The following GPM6A variants were observed in gnomAD, a reference collection of about 807,000 sequenced individuals.
GPM6A encodes the protein neuronal membrane glycoprotein M6-a.
Under a neutral mutation model 32.1 loss-of-function variants are expected in GPM6A, and 7 were observed. The observed-to-expected ratio is 0.22, with a 90% CI of 0.12 to 0.41. The LOEUF is 0.41. Ranked by LOEUF, GPM6A falls within the 10% of genes least tolerant of loss-of-function variation. The pLI, the probability that GPM6A is intolerant of heterozygous loss-of-function variation, is 1.00. For synonymous variants in GPM6A, 130 were observed against 123.4 expected (o/e 1.05, Z -0.35); for missense variants, 235 against 347.2 (o/e 0.68, Z 2.57).
At chr4:175,921,156 G>A (rs1240373522) in intron 1 of GPM6A, among the ~76,000 whole-genome samples, 2 of 151,932 alleles carry the variant, frequency 1.3e-5, no homozygotes, top group Non-Finnish European at 2.9e-5. Flanking sequence ...TTTTAACACT[G>A]AAATCTTTAT....
chr4:175,971,248 T>C (rs2126422683), intron 1 of GPM6A, among the ~76,000 whole-genome samples: 1 of 150,322 alleles, frequency 6.7e-6, no homozygotes, highest in South Asian at 2.1e-4. Context: ...AACCTGTCAT[T>C]AGTGTTCTCT....
At chr4:175,767,669 G>A (rs901567423) in intron 1 of GPM6A, among the ~76,000 whole-genome samples, 2 of 152,176 alleles carry the variant, frequency 1.3e-5, no homozygotes, top group African/African-American at 4.8e-5. Context: ...CAGCCATTGG[G>A]CAGTAATGCA....
At chr4:175,793,494 G>T (rs190263467) in intron 1 of GPM6A, among the ~76,000 whole-genome samples, 4 of 151,846 alleles carry the variant, frequency 2.6e-5, no homozygotes, top group Non-Finnish European at 4.4e-5. Flanking sequence ...CTCCTGCCTC[G>T]GCCTCCTGAG....
chr4:175,920,658 G>A (rs778632473), intron 1 of GPM6A, among the ~76,000 whole-genome samples: 1 of 152,008 alleles, frequency 6.6e-6, no homozygotes, highest in African/African-American at 2.4e-5. Flanking sequence ...GACTAGCCTG[G>A]GCAACATGAT....
chr4:175,918,752 C>T (rs148058758), intron 1 of GPM6A, among the ~76,000 whole-genome samples: 102 of 152,156 alleles, frequency 6.7e-4, no homozygotes, highest in African/African-American at 2.1e-3. Context: ...GTCTGAAATG[C>T]AGAAATGTAT....
At chr4:175,807,151 T>A (rs868004548) in intron 1 of GPM6A, among the ~76,000 whole-genome samples, 2 of 152,220 alleles carry the variant, frequency 1.3e-5, no homozygotes, top group African/African-American at 4.8e-5. Flanking sequence ...TTAATTTCTT[T>A]GCAATAGTTC....
At chr4:175,877,221 T>C (rs561927292) in intron 1 of GPM6A, among the ~76,000 whole-genome samples, 4 of 152,094 alleles carry the variant, frequency 2.6e-5, no homozygotes, top group Admixed American at 2.6e-4. Context: ...AGGGATGAAG[T>C]TTTGTCCCTG....
At chr4:175,789,506 A>G (rs1299961950) in intron 1 of GPM6A, among the ~76,000 whole-genome samples, 1 of 152,150 alleles carries the variant, frequency 6.6e-6, no homozygotes, top group Non-Finnish European at 1.5e-5. Flanking sequence ...TTAAAAAATA[A>G]TACTTCCTAG....
chr4:175,782,751 A>G (rs181407509), intron 1 of GPM6A, among the ~76,000 whole-genome samples: 19 of 152,258 alleles, frequency 1.2e-4, no homozygotes, highest in African/African-American at 4.6e-4. Context: ...AGCTTAAGAA[A>G]TAGAACTTAT....
intron 1 of GPM6A, among the ~76,000 whole-genome samples, chr4:175,977,299 C>G (rs1433351057): frequency 6.6e-6 from 1 of 152,144 alleles, no homozygotes; most frequent in Non-Finnish European, 1.5e-5. Context: ...ATGGATAAAA[C>G]AGTCATGTAC....
At chr4:175,684,405 C>A (rs1352608204) in intron 2 of GPM6A, among the ~76,000 whole-genome samples, 1 of 152,122 alleles carries the variant, frequency 6.6e-6, no homozygotes, top group African/African-American at 2.4e-5. Context: ...CCCATGCCTT[C>A]TTCTAGCATG....
intron 2 of GPM6A, among the ~76,000 whole-genome samples, chr4:175,687,344 A>T (rs972979430): frequency 6.6e-6 from 1 of 152,130 alleles, no homozygotes; most frequent in Non-Finnish European, 1.5e-5. Flanking sequence ...CCCAGGCCAC[A>T]GCCCTGACAA....
intron 1 of GPM6A, among the ~76,000 whole-genome samples, chr4:175,986,087 G>T (rs989630997): frequency 6.6e-6 from 1 of 152,130 alleles, no homozygotes; most frequent in Non-Finnish European, 1.5e-5. Flanking sequence ...CCAAAGGCAT[G>T]AGCCACTGCA....
chr4:175,854,707 G>A (rs377491409), intron 1 of GPM6A, among the ~76,000 whole-genome samples: 4 of 152,150 alleles, frequency 2.6e-5, no homozygotes, highest in East Asian at 1.9e-4. Flanking sequence ...CGGAGAATAC[G>A]GAGAGACCTA....
intron 1 of GPM6A, among the ~76,000 whole-genome samples, chr4:175,936,803 G>C (rs1739253660): frequency 6.6e-6 from 1 of 151,928 alleles, no homozygotes; most frequent in Non-Finnish European, 1.5e-5. Flanking sequence ...GTAGTGGGGG[G>C]TTCATATCCA....
Position 175,639,090 on chromosome 4 carries a change from C to T in GPM6A, c.684+1039G>A, listed in dbSNP as rs531184551. ...TCACTGTATCAAAAATGTTGAGCAACGCTAAAGTAACAAAACATCAAAAAT... is the reference window on the plus strand; with the variant it reads ...TCACTGTATCAAAAATGTTGAGCAATGCTAAAGTAACAAAACATCAAAAAT... On this transcript the variant is annotated intron_variant, in intron 6 of 6. Coordinates refer to ENST00000393658, the MANE Select transcript of GPM6A (RefSeq NM_201591.3). Among the ~76,000 whole-genome samples the T allele has an allele frequency of 2.0e-3, 298 of 152,070 alleles. 2 individuals carry two copies. In the Middle Eastern group the frequency reaches 0.024, roughly 12 times the overall value.
At chr4:175,884,795 A>C (rs1476159823) in intron 1 of GPM6A, among the ~76,000 whole-genome samples, 1 of 152,106 alleles carries the variant, frequency 6.6e-6, no homozygotes, top group Non-Finnish European at 1.5e-5. Flanking sequence ...AGGCTTCCCA[A>C]AGTGCTGGGA....
chr4:175,849,762 G>A (rs1383382784), intron 1 of GPM6A, among the ~76,000 whole-genome samples: 1 of 152,112 alleles, frequency 6.6e-6, no homozygotes, highest in African/African-American at 2.4e-5. Flanking sequence ...TGAAAGAGAA[G>A]ACAGAAATAT....
At chr4:175,898,943 T>A (rs1372769402) in intron 1 of GPM6A, among the ~76,000 whole-genome samples, 1 of 152,196 alleles carries the variant, frequency 6.6e-6, no homozygotes, top group Non-Finnish European at 1.5e-5. Flanking sequence ...TTCTCAGTAC[T>A]AGAGTCTAAA....
Sources: allele counts gnomAD v4.1 joint callset (sites outside exome capture counted in the v4.1 genomes callset), GRCh38; gene constraint gnomAD v4.1.1; transcripts MANE v1.5; gene names NCBI Gene and HGNC (gene_info 2026-07-23, HGNC 2026-07-21).